The following RNF150 variants were observed in gnomAD, a reference collection of about 807,000 sequenced individuals.
RNF150 encodes ring finger protein 150.
Under a neutral mutation model 39.3 loss-of-function variants are expected in RNF150, and 24 were observed. That is an observed-to-expected ratio of 0.61 (90% CI 0.44 to 0.86). The LOEUF (loss-of-function observed/expected upper bound fraction) is 0.86. RNF150 is among the 40% of genes least tolerant of loss of function. The pLI is 0.00. For missense variants in RNF150, 502 were observed against 587.8 expected, an observed-to-expected ratio of 0.85 and a Z score of 1.51; for synonymous variants, 255 against 227.3, an observed-to-expected ratio of 1.12 and a Z score of -1.10.
intron 6 of RNF150, among the ~76,000 whole-genome samples, chr4:140,891,710 T>C (rs1041529746): frequency 1.2e-4 from 19 of 152,138 alleles, no homozygotes; most frequent in African/African-American, 4.3e-4. Context: ...TCCTTTTGTA[T>C]ATTTTAAACC....
intron 1 of RNF150, among the ~76,000 whole-genome samples, chr4:141,024,714 T>A: frequency 6.6e-6 from 1 of 152,098 alleles, no homozygotes; most frequent in East Asian, 1.9e-4. Flanking sequence ...GGGTTCCCGG[T>A]ATGGGATAAA....
At position 140,888,642 on chromosome 4, in the gene RNF150, G is replaced by A. The variant is rs557862091; in HGVS notation, c.1199-20263C>T. On this transcript the variant is annotated intron_variant, in intron 6 of 6. Transcript: ENST00000515673. ...ATGAAAGGGCAAAAGGAATAAGGGG[G>A]ACTGAGCTGAGCCTGACATTTGTCT... Among the ~76,000 whole-genome samples, 115 of 152,314 alleles carry A rather than the reference G, an allele frequency of 7.6e-4. 4 individuals are homozygous for A. The South Asian group carries it at 0.024, about 31-fold the overall frequency.
chr4:141,186,713 AT>A (rs960690053), intron 1 of RNF150, among the ~76,000 whole-genome samples: 2 of 151,630 alleles, frequency 1.3e-5, no homozygotes, highest in African/African-American at 4.8e-5. Context: ...CCACTTTATC[AT>A]TTTTTATTGT....
intron 1 of RNF150, among the ~76,000 whole-genome samples, chr4:141,042,781 C>T (rs934758530): frequency 7.9e-5 from 12 of 152,174 alleles, no homozygotes; most frequent in African/African-American, 1.7e-4. Context: ...TCTCCCCTTC[C>T]GCCCATGTGT....
At chr4:140,898,947 A>G (rs957408214) in intron 6 of RNF150, among the ~76,000 whole-genome samples, 2 of 152,208 alleles carry the variant, frequency 1.3e-5, no homozygotes, top group African/African-American at 4.8e-5. Context: ...TTGTTTGACA[A>G]AAAAATTTTG....
chr4:140,916,571 G>C (rs1312968666), intron 5 of RNF150, among the ~76,000 whole-genome samples: 1 of 152,192 alleles, frequency 6.6e-6, no homozygotes, highest in African/African-American at 2.4e-5. Flanking sequence ...TCTAATTGGT[G>C]TACCTGAAAG....
At chr4:140,921,295 G>A (rs1442945331) in intron 5 of RNF150, among the ~76,000 whole-genome samples, 9 of 151,470 alleles carry the variant, frequency 5.9e-5, no homozygotes, top group East Asian at 1.9e-4. Flanking sequence ...TATCACCACC[G>A]ATCCCACAGA....
At chr4:140,938,218 T>C (rs1731934376) in intron 4 of RNF150, among the ~76,000 whole-genome samples, 1 of 152,210 alleles carries the variant, frequency 6.6e-6, no homozygotes, top group African/African-American at 2.4e-5. Flanking sequence ...GGGGCTAGTG[T>C]CTTTTTTCAG....
intron 4 of RNF150, 92 bp downstream of exon 4, chr4:140,947,562 A>G: frequency 1.2e-6 from 1 of 828,282 alleles, no homozygotes; most frequent in Non-Finnish European, 2.1e-6. Flanking sequence ...CTGACCTGGC[A>G]GCACTATGCC....
At chr4:141,048,549 A>G (rs901027719) in intron 1 of RNF150, among the ~76,000 whole-genome samples, 2 of 152,154 alleles carry the variant, frequency 1.3e-5, no homozygotes, top group African/African-American at 4.8e-5. Context: ...TGAACAACAT[A>G]GCAAGACCCT....
intron 1 of RNF150, among the ~76,000 whole-genome samples, chr4:141,116,265 G>A (rs1380370566): frequency 6.6e-6 from 1 of 152,162 alleles, no homozygotes; most frequent in Non-Finnish European, 1.5e-5. Context: ...CTAATATCCA[G>A]AATCTACAAG....
intron 1 of RNF150, among the ~76,000 whole-genome samples, chr4:141,045,493 AT>A (rs1326759994): frequency 6.6e-6 from 1 of 152,048 alleles, no homozygotes; most frequent in Non-Finnish European, 1.5e-5. Context: ...TTAGGAATAC[AT>A]TCTTTTTTTA....
At chr4:141,175,873 C>T (rs546794410) in intron 1 of RNF150, among the ~76,000 whole-genome samples, 3 of 152,014 alleles carry the variant, frequency 2.0e-5, no homozygotes, top group African/African-American at 7.2e-5. Context: ...GAGAAGCAAG[C>T]TCTCTTGTAA....
chr4:140,960,459 A>C (rs530943083), intron 2 of RNF150, among the ~76,000 whole-genome samples: 1 of 152,164 alleles, frequency 6.6e-6, no homozygotes, highest in African/African-American at 2.4e-5. Context: ...ACCTGAGTTT[A>C]TGTTAATGAG....
At chr4:140,922,651 C>T (rs1380138225) in intron 5 of RNF150, among the ~76,000 whole-genome samples, 9 of 151,370 alleles carry the variant, frequency 5.9e-5, no homozygotes, top group East Asian at 1.9e-4. Context: ...AAAAAGAGCC[C>T]GCATTGCCAA....
intron 1 of RNF150, among the ~76,000 whole-genome samples, chr4:141,206,852 A>T (rs1244789818): frequency 6.6e-6 from 1 of 152,088 alleles, no homozygotes; most frequent in Non-Finnish European, 1.5e-5. Flanking sequence ...GAAAGCCTCA[A>T]AACCAAGGAA....
Position 140,920,872 on chromosome 4 carries a change from T to C in RNF150, c.987+5105A>G, listed in dbSNP as rs561869779. ...CTATGCAGCCGTAAAAAATGATGAG[T>C]TCATGTCCTTTATAGGGACATGGAT... On this transcript the variant is annotated intron_variant, in intron 5 of 6. Transcript: ENST00000515673. Among the ~76,000 whole-genome samples the C allele has an allele frequency of 2.2e-3, 328 of 151,454 alleles. 1 individual carries two copies. Among genetic ancestry groups the C allele is most frequent in the African/African-American group, 7.3e-3 (300 of 41,332 alleles).
chr4:140,950,816 G>T (rs1732512922), intron 2 of RNF150, among the ~76,000 whole-genome samples: 1 of 152,212 alleles, frequency 6.6e-6, no homozygotes, highest in Non-Finnish European at 1.5e-5. Context: ...CTCTTTGATA[G>T]TTTGTCCTGC....
At chr4:141,203,744 C>G (rs1191062854) in intron 1 of RNF150, among the ~76,000 whole-genome samples, 3 of 140,616 alleles carry the variant, frequency 2.1e-5, no homozygotes, top group African/African-American at 7.6e-5. Flanking sequence ...AGAAAAGTCC[C>G]CCTGAGAAGG....
Sources: allele counts gnomAD v4.1 joint callset (sites outside exome capture counted in the v4.1 genomes callset), GRCh38; gene constraint gnomAD v4.1.1; transcripts MANE v1.5; gene names NCBI Gene and HGNC (gene_info 2026-07-23, HGNC 2026-07-21).